Variants in CHD4 observed in about 807,000 individuals in gnomAD.
CHD4 encodes ATP-dependent chromatin remodeler CHD4.
CHD4 carries 35 observed loss-of-function variants against 235.5 expected under a neutral mutation model. That is an observed-to-expected ratio of 0.15 (90% CI 0.11 to 0.20). CHD4 has a LOEUF of 0.20. Ranked by LOEUF, CHD4 falls within the 10% of genes least tolerant of loss-of-function variation. The pLI is 1.00. For missense variants in CHD4, 1,329 were observed against 2,432.3 expected (o/e 0.55, Z 9.54); for synonymous variants, 900 against 850.2 (o/e 1.06, Z -1.02).
At position 6,584,186 on chromosome 12, in the gene CHD4, C is replaced by G. The variant is rs78852930; in HGVS notation, c.3880-808G>C. On this transcript the variant is annotated intron_variant, in intron 25 of 39. Coordinates refer to ENST00000544040, the MANE Select transcript of CHD4 (RefSeq NM_001273.5). ...CCTAACCAATGTAGCATTTACATTG[C>G]ATTGGTATTACTTTTATGTTTACAA... The G allele has an allele frequency of 3.6e-3, 553 of 152,058 alleles. 3 individuals carry two copies. The highest frequency in any genetic ancestry group is 0.013 in the African/African-American group (531 of 41,468). 9.4% of individuals were successfully genotyped at this position (152,058 alleles called of 1,614,324 possible). A position where few individuals can be genotyped will look rare whatever the true frequency, so the allele number is the denominator to read the frequency against.
chr12:6,588,419 G>A lies in CHD4; in HGVS notation c.3344C>T (p.Pro1115Leu), dbSNP rs769769680. 37 of 1,613,100 alleles carry A rather than the reference G, an allele frequency of 2.3e-5. No homozygotes were observed. The highest frequency in any genetic ancestry group is 3.0e-5 in the Non-Finnish European group (35 of 1,179,736). The change falls in exon 23 of 40, where the codon CCG (proline) becomes CTG (leucine). Residue 1115 changes from proline to leucine, a missense_variant. This residue lies in a region of CHD4 where 12 missense variants were observed against 23.3 expected (regional missense o/e 0.52). Coordinates refer to ENST00000544040, the MANE Select transcript of CHD4 (RefSeq NM_001273.5). ...CAAGAAGCAGAACTGCTGAGCACCC[G>A]GTGCTAATAAAAGAACCAAAAACAC... ...RQEAIDRFNAPGAQQFCFLLS... is the reference protein window; with the variant it reads ...RQEAIDRFNALGAQQFCFLLS...
chr12:6,575,218 C>T (rs1489651597), intron 37 of CHD4, among the ~76,000 whole-genome samples: 3 of 152,034 alleles, frequency 2.0e-5, no homozygotes, highest in Non-Finnish European at 4.4e-5. Flanking sequence ...GAGGACAAGG[C>T]GGGCAGATCA....
rs2136201398 is a variant in CHD4 at position 6,581,340 on chromosome 12, A to G, written c.4730T>C (p.Ile1577Thr). ...EENSLKEEESIEGEKEVKSTA... is the reference protein window; with the variant it reads ...EENSLKEEESTEGEKEVKSTA... ...AGATTTAACCTCCTTTTCTCCTTCT[A>G]TGCTCTCTTCTTCTTTGAGGCTATT... The change falls in exon 32 of 40, where the codon ATA becomes ACA. Residue 1577 changes from isoleucine (I) to threonine (T), a missense_variant. This residue lies in a region of CHD4 where 219 missense variants were observed against 219.3 expected (regional missense o/e 1.00). Transcript: ENST00000544040. 6.2e-7 allele frequency: 1 copy of G among 1,614,008 alleles called. No individual in the cohort carries two copies. The highest frequency in any genetic ancestry group is 8.5e-7 in the Non-Finnish European group (1 of 1,180,000).
chr12:6,581,950 C>T lies in CHD4; in HGVS notation c.4516-136G>A, dbSNP rs946368194. The T allele has an allele frequency of 4.2e-6, 5 of 1,188,442 alleles. No individual in the cohort carries two copies. In the African/African-American group the frequency reaches 4.7e-5, roughly 11 times the overall value. 73.6% of individuals were successfully genotyped at this position (1,188,442 alleles called of 1,614,324 possible). On this transcript the variant is annotated intron_variant, in intron 30 of 39. Coordinates refer to ENST00000544040, the MANE Select transcript of CHD4 (RefSeq NM_001273.5). Reference sequence around the variant, plus strand: ...TCTGAGTAGCTGGGAATACAGGTGCCCGCCACCACGTGCAGCTAATTTTTG... The same window carrying T: ...TCTGAGTAGCTGGGAATACAGGTGCTCGCCACCACGTGCAGCTAATTTTTG...
chr12:6,577,698 G>A (rs567535545), intron 37 of CHD4, 87 bp downstream of exon 37: 24 of 1,541,716 alleles, frequency 1.6e-5, no homozygotes, highest in East Asian at 2.3e-5. Flanking sequence ...AGAACAGTGC[G>A]CTGGATGGAC....
At chr12:6,578,186 G>A (rs1028265723) in intron 35 of CHD4, 49 bp from the exon 36 acceptor site, 1 of 1,506,892 alleles carries the variant, frequency 6.6e-7, no homozygotes, top group African/African-American at 1.4e-5. Context: ...GCAAACATCT[G>A]TGAGAATTGA....
At chr12:6,580,229 AAACAACAACAACAAC>A (rs145463385) in intron 33 of CHD4, 1 of 111,122 alleles carries the variant, frequency 9.0e-6, no homozygotes, top group Non-Finnish European at 2.1e-5. Flanking sequence ...TCCATCTCGA[AAACAACAACAACAAC>A]AACAACAACA....
In CHD4 at chr12:6,594,659, T is replaced by C; in HGVS notation, c.2122-9A>G. On this transcript the variant is annotated splice_polypyrimidine_tract_variant and intron_variant, in intron 14 of 39. Coordinates refer to ENST00000544040, the MANE Select transcript of CHD4 (RefSeq NM_001273.5). ...TCATACTTCACTGTTGGCTGAAGGATGAAACAGAGAAGTCAAGAGCTGGCA... is the reference window on the plus strand; with the variant it reads ...TCATACTTCACTGTTGGCTGAAGGACGAAACAGAGAAGTCAAGAGCTGGCA... 1 of 1,610,550 alleles carries C rather than the reference T, an allele frequency of 6.2e-7. No individual in the cohort carries two copies. Among genetic ancestry groups the C allele is most frequent in the Non-Finnish European group, 8.5e-7 (1 of 1,177,920 alleles).
At chr12:6,585,095 A>G (rs1948258502) in intron 25 of CHD4, among the ~76,000 whole-genome samples, 1 of 152,228 alleles carries the variant, frequency 6.6e-6, no homozygotes, top group South Asian at 2.1e-4. Context: ...ACCAATGCCA[A>G]CTGAAAGAAC....
At chr12:6,578,783 T>TA in intron 34 of CHD4, 63 bp downstream of exon 34, 1 of 1,514,480 alleles carries the variant, frequency 6.6e-7, no homozygotes, top group African/African-American at 1.4e-5. Flanking sequence ...GCAGGGCAGA[T>TA]ACAGTCCTTG....
rs1948439244 is a variant in CHD4 at position 6,593,738 on chromosome 12, C to T, written c.2314-122G>A. ...GGACTGACACACCTGCGCTGCTGCT[C>T]CTGCTCTCACCTTCCTCTATACAAG... On this transcript the variant is annotated intron_variant, in intron 15 of 39. Coordinates refer to ENST00000544040, the MANE Select transcript of CHD4 (RefSeq NM_001273.5). The surrounding 1 kb of genome is among the most constrained non-coding windows in gnomAD (Gnocchi z 4.9). The T allele has an allele frequency of 5.1e-6, 4 of 789,714 alleles. No homozygotes were observed. In the Admixed American group the frequency reaches 7.6e-5, roughly 15 times the overall value. The allele number at this position is 789,714 out of a possible 1,614,324, so 48.9% of individuals were successfully genotyped here.
At chr12:6,585,659 C>T (rs1381589149) in intron 25 of CHD4, among the ~76,000 whole-genome samples, 3 of 150,748 alleles carry the variant, frequency 2.0e-5, no homozygotes, top group Non-Finnish European at 3.0e-5. Context: ...TGTGGTGGCA[C>T]GTGCCTGTAG....
At chr12:6,594,809 G>A (rs752730611) in intron 14 of CHD4, among the ~76,000 whole-genome samples, 159 bp from the exon 15 acceptor site, 3 of 152,150 alleles carry the variant, frequency 2.0e-5, no homozygotes, top group Admixed American at 6.5e-5. Flanking sequence ...GCAATTTCAT[G>A]TTCAGTTTAG....
chr12:6,595,822 G>A (rs1327378734), intron 13 of CHD4, among the ~76,000 whole-genome samples, 184 bp downstream of exon 13: 1 of 151,426 alleles, frequency 6.6e-6, no homozygotes, highest in Non-Finnish European at 1.5e-5. Context: ...GCTAGGTGTG[G>A]TGGCGTATGC....
intron 37 of CHD4, among the ~76,000 whole-genome samples, chr12:6,574,438 A>G (rs970685554): frequency 6.6e-6 from 1 of 152,220 alleles, no homozygotes; most frequent in African/African-American, 2.4e-5. Context: ...AGCTGTATTA[A>G]AGATTCTTTG....
At chr12:6,606,536 C>T in intron 1 of CHD4, 85 bp from the exon 2 acceptor site, 3 of 508,146 alleles carry the variant, frequency 5.9e-6, no homozygotes, top group Non-Finnish European at 1.0e-5. Context: ...CTTTCCGCCC[C>T]CCACCCCAGC....
intron 37 of CHD4, 187 bp downstream of exon 37, chr12:6,577,598 G>A (rs866403622): frequency 4.3e-6 from 3 of 703,366 alleles, no homozygotes; most frequent in African/African-American, 3.6e-5. Context: ...TACAGCTCAT[G>A]TACAGTTAGT....
rs147387698 is a variant in CHD4 at position 6,599,972 on chromosome 12, G to A, written c.1283C>T (p.Ser428Leu). Residue 428 changes from serine to leucine, a missense_variant, in exon 10 of 40, where the codon TCG becomes TTG. Ser to Leu is a moderately radical substitution (Grantham distance 145). This residue lies in a region of CHD4 where 37 missense variants were observed against 49.9 expected (regional missense o/e 0.74). Coordinates refer to ENST00000544040, the MANE Select transcript of CHD4 (RefSeq NM_001273.5). ...CTCTTCCAGGATCTCCTCACCCTCC[G>A]AATTGTCCTCTTTAGCTTCCCACTG... ...GIQWEAKEDN[S>L]EGEEILEEVG... is the part of the protein sequence containing the mutation. 7 of 1,614,086 alleles carry A rather than the reference G, an allele frequency of 4.3e-6. No homozygotes were observed. The highest frequency in any genetic ancestry group is 5.1e-6 in the Non-Finnish European group (6 of 1,180,008).
intron 33 of CHD4, chr12:6,580,714 A>AAAAAAAACAAC (rs1423722383): frequency 1.3e-5 from 3 of 229,190 alleles, no homozygotes; most frequent in Admixed American, 5.6e-5. Flanking sequence ...GAAAAAAAAA[A>AAAAAAAACAAC]AAAAAAAAAA....
Sources: gnomAD v4.1 joint callset for allele counts (sites outside exome capture counted in the v4.1 genomes callset) on GRCh38, gnomAD v4.1.1 for gene constraint, gnomAD v4.1.1 regional missense constraint, Gnocchi (gnomAD v3.1) non-coding constraint, MANE v1.5 for transcripts, NCBI Gene and HGNC (gene_info 2026-07-23, HGNC 2026-07-21) for gene names.